The following TAX1BP1 variants were observed in gnomAD, a reference collection of about 807,000 sequenced individuals.
TAX1BP1 encodes tax1-binding protein 1.
TAX1BP1 carries 62 observed loss-of-function variants against 97.7 expected under a neutral mutation model. That is an observed-to-expected ratio of 0.63 (90% CI 0.52 to 0.78). The LOEUF is 0.78. TAX1BP1 is among the 30% of genes least tolerant of loss of function. TAX1BP1 has a pLI of 0.00. For synonymous variants in TAX1BP1, 340 were observed against 304.2 expected (o/e 1.12, Z -1.23); for missense variants, 867 against 916.1 (o/e 0.95, Z 0.69).
chr7:27,785,580 C>T (rs1238021547), intron 7 of TAX1BP1, 91 bp downstream of exon 7: 10 of 1,053,916 alleles, frequency 9.5e-6, no homozygotes, highest in Non-Finnish European at 1.4e-5. Context: ...TTAGGAGCAG[C>T]TTAGCTGAGT....
chr7:27,821,502 G>A (rs762812858), intron 15 of TAX1BP1, among the ~76,000 whole-genome samples: 12 of 152,088 alleles, frequency 7.9e-5, no homozygotes, highest in Non-Finnish European at 1.2e-4. Flanking sequence ...GGGCATGGTG[G>A]TGCACGCCAG....
rs960315896 is a variant in TAX1BP1, at chr7:27,785,065, A to G, written c.613-98A>G. The G allele has an allele frequency of 7.1e-6, 9 of 1,262,364 alleles. No homozygotes were observed. The African/African-American group carries it at 1.4e-4, about 19-fold the overall frequency. 78.2% of individuals were successfully genotyped at this position (1,262,364 alleles called of 1,614,324 possible). ...ATTTGGAGGGAACAAATGTGGGATTAAAATTCTAAGAATACATAGTTTTCT... is the reference window on the plus strand; with the variant it reads ...ATTTGGAGGGAACAAATGTGGGATTGAAATTCTAAGAATACATAGTTTTCT... On this transcript the variant is annotated intron_variant, in intron 5 of 16. Coordinates refer to ENST00000396319, the MANE Select transcript of TAX1BP1 (RefSeq NM_006024.7).
chr7:27,821,072 TAGTC>T (rs1377853071), intron 15 of TAX1BP1, among the ~76,000 whole-genome samples: 2 of 152,204 alleles, frequency 1.3e-5, no homozygotes, highest in African/African-American at 2.4e-5. Context: ...GGATTAAAGA[TAGTC>T]AGCCTGTAAT....
intron 3 of TAX1BP1, among the ~76,000 whole-genome samples, chr7:27,761,780 A>G (rs897158455): frequency 3.3e-5 from 5 of 152,242 alleles, no homozygotes; most frequent in African/African-American, 9.6e-5. Flanking sequence ...TAATGCTGCA[A>G]TAAACACTCT....
intron 13 of TAX1BP1, among the ~76,000 whole-genome samples, chr7:27,814,911 G>C (rs1790709090): frequency 1.3e-5 from 2 of 152,012 alleles, no homozygotes; most frequent in African/African-American, 4.8e-5. Context: ...TAATTTTTTT[G>C]TATTTTTAGT....
chr7:27,745,227 T>C (rs1032176079), intron 1 of TAX1BP1, among the ~76,000 whole-genome samples: 1 of 152,164 alleles, frequency 6.6e-6, no homozygotes, highest in Non-Finnish European at 1.5e-5. Context: ...TTTGTACTTT[T>C]TCTCAGGATG....
rs1040431638 is a variant in TAX1BP1 at position 27,829,550 on chromosome 7, A to T, written c.*721A>T. The T allele has an allele frequency of 6.6e-6, 1 of 152,244 alleles. No homozygotes were observed. Among genetic ancestry groups the T allele is most frequent in the African/African-American group, 2.4e-5 (1 of 41,474 alleles). 9.4% of individuals were successfully genotyped at this position (152,244 alleles called of 1,614,324 possible). The stretch of plus-strand genomic sequence containing the variant: ...AATTGTTTTCCTATTAAATGATCTC[A>T]TAACAGGGGTGTTTGTGGCATAAAA... On this transcript the variant is annotated 3_prime_UTR_variant, in exon 17 of 17. Coordinates refer to ENST00000396319, the MANE Select transcript of TAX1BP1 (RefSeq NM_006024.7).
In TAX1BP1 at chr7:27,792,037, G is replaced by A. The variant is rs751120718; in HGVS notation, c.1070G>A (p.Arg357His). Residue 357 changes from arginine to histidine, a missense_variant, in exon 9 of 17, where the codon CGT (arginine) becomes CAT (histidine). By Grantham distance (29) the Arg-to-His change is conservative. Around this residue, in one of 3 missense-constraint regions of TAX1BP1, gnomAD observed 822 missense variants for 851.4 expected, o/e 0.97. Coordinates refer to ENST00000396319, the MANE Select transcript of TAX1BP1 (RefSeq NM_006024.7). Reference protein sequence around the residue: ...EDTCFLKEQLRKAEEQVQATR... With the variant: ...EDTCFLKEQLHKAEEQVQATR... ...ACTTGTTTTTTAAAGGAGCAACTTC[G>A]TAAAGCAGAGGAACAGGTTCAGGCA... is the stretch of plus-strand genomic sequence containing the variant. 2.2e-5 allele frequency: 35 copies of A among 1,613,906 alleles called. No homozygotes were observed. The highest frequency in any genetic ancestry group is 2.8e-5 in the Non-Finnish European group (33 of 1,180,012).
At chr7:27,766,114 A>T in intron 4 of TAX1BP1, 93 bp downstream of exon 4, 1 of 1,320,636 alleles carries the variant, frequency 7.6e-7, no homozygotes, top group South Asian at 1.4e-5. Context: ...GTTATGTGAG[A>T]GTTGCCACAA....
At chr7:27,827,353 C>CAA (rs368954449) in intron 15 of TAX1BP1, among the ~76,000 whole-genome samples, 2 of 110,384 alleles carry the variant, frequency 1.8e-5, no homozygotes, top group African/African-American at 6.7e-5. Context: ...GACTCCATCT[C>CAA]AAAAAAAAAA....
At chr7:27,773,368 C>T (rs1418638304) in intron 5 of TAX1BP1, among the ~76,000 whole-genome samples, 2 of 152,062 alleles carry the variant, frequency 1.3e-5, no homozygotes, top group Admixed American at 1.3e-4. Flanking sequence ...CAAAATCATG[C>T]AACCATTACC....
At chr7:27,804,270 A>C (rs972614844) in intron 13 of TAX1BP1, among the ~76,000 whole-genome samples, 6 of 152,234 alleles carry the variant, frequency 3.9e-5, no homozygotes, top group Non-Finnish European at 8.8e-5. Context: ...GAGCCATTCT[A>C]AGTGCAAGTT....
At chr7:27,804,585 CTGA>C (rs1790263810) in intron 13 of TAX1BP1, among the ~76,000 whole-genome samples, 1 of 152,216 alleles carries the variant, frequency 6.6e-6, no homozygotes, top group Admixed American at 6.5e-5. Flanking sequence ...CCTCAGGCTA[CTGA>C]TAGCAGTCAT....
intron 1 of TAX1BP1, among the ~76,000 whole-genome samples, chr7:27,742,126 C>G (rs1224045158): frequency 6.6e-6 from 1 of 152,228 alleles, no homozygotes; most frequent in Non-Finnish European, 1.5e-5. Flanking sequence ...GGGCAGGAGA[C>G]AGATGCCTTC....
chr7:27,756,394 T>C (rs1788216886), intron 2 of TAX1BP1, among the ~76,000 whole-genome samples: 2 of 152,192 alleles, frequency 1.3e-5, no homozygotes, highest in Admixed American at 6.5e-5. Flanking sequence ...TGTAGTTCTA[T>C]ATTTCTGACT....
intron 7 of TAX1BP1, among the ~76,000 whole-genome samples, chr7:27,786,891 T>G (rs1395935110): frequency 6.6e-6 from 1 of 152,196 alleles, no homozygotes; most frequent in African/African-American, 2.4e-5. Flanking sequence ...TAGGAGCAAA[T>G]CAGCAATAGC....
At chr7:27,817,257 C>G (rs1340057648) in intron 15 of TAX1BP1, among the ~76,000 whole-genome samples, 1 of 152,062 alleles carries the variant, frequency 6.6e-6, no homozygotes, top group African/African-American at 2.4e-5. Flanking sequence ...CAGACTTATA[C>G]TTTAGGATTT....
chr7:27,781,143 A>G (rs1789238394), intron 5 of TAX1BP1, among the ~76,000 whole-genome samples: 1 of 152,152 alleles, frequency 6.6e-6, no homozygotes, highest in African/African-American at 2.4e-5. Context: ...CACTCCAACC[A>G]CAAAAATAGT....
intron 5 of TAX1BP1, among the ~76,000 whole-genome samples, chr7:27,779,456 T>C (rs1789166429): frequency 6.6e-6 from 1 of 152,254 alleles, no homozygotes; most frequent in Non-Finnish European, 1.5e-5. Context: ...CTTTGTAATT[T>C]CCCTATTTTT....
Sources: allele counts gnomAD v4.1 joint callset (sites outside exome capture counted in the v4.1 genomes callset), GRCh38; gene constraint gnomAD v4.1.1; regional missense constraint gnomAD v4.1.1; transcripts MANE v1.5; gene names NCBI Gene and HGNC (gene_info 2026-07-23, HGNC 2026-07-21).